DLGAP1: variants seen among roughly 807,000 people sequenced by gnomAD.
DLGAP1 encodes the protein DLG associated protein 1, also known as disks large-associated protein 1.
A neutral mutation model predicts 90.8 loss-of-function variants in DLGAP1; 11 were observed. The ratio of observed to expected loss-of-function variants is 0.12; its 90% CI spans 0.08 to 0.20. The LOEUF is 0.20. Among genes scored for constraint, DLGAP1 ranks in the 10% least tolerant of loss-of-function variants. The pLI is 1.00. For missense variants in DLGAP1, 1,050 were observed against 1,333.8 expected, an observed-to-expected ratio of 0.79 and a Z score of 3.31; for synonymous variants, 558 against 540.7, an observed-to-expected ratio of 1.03 and a Z score of -0.44.
chr18:4,267,051 C>G (rs967992130), intron 1 of DLGAP1, among the ~76,000 whole-genome samples: 1 of 152,134 alleles, frequency 6.6e-6, no homozygotes, highest in East Asian at 1.9e-4. Flanking sequence ...AACTATTTGC[C>G]TTTTCTTTTT....
At chr18:4,020,975 C>T (rs192894261) in intron 2 of DLGAP1, among the ~76,000 whole-genome samples, 19 of 152,188 alleles carry the variant, frequency 1.2e-4, no homozygotes, top group Middle Eastern at 3.4e-3. Flanking sequence ...TCAACCAGCT[C>T]GGCAATCCCA....
At chr18:4,077,018 G>A (rs534299495) in intron 2 of DLGAP1, among the ~76,000 whole-genome samples, 86 of 152,244 alleles carry the variant, frequency 5.6e-4, no homozygotes, top group African/African-American at 2.0e-3. Context: ...ACTAGAGCAG[G>A]GACCTGTTCT....
At chr18:3,754,280 G>A (rs192014492) in intron 5 of DLGAP1, among the ~76,000 whole-genome samples, 21 of 152,144 alleles carry the variant, frequency 1.4e-4, no homozygotes, top group Non-Finnish European at 2.8e-4. Context: ...GAAATTACAC[G>A]CATGAGCCAC....
intron 1 of DLGAP1, among the ~76,000 whole-genome samples, chr18:4,180,517 G>A (rs1455695274): frequency 6.6e-6 from 1 of 152,184 alleles, no homozygotes; most frequent in South Asian, 2.1e-4. Context: ...AACTGGAGCA[G>A]GTGGCACCGA....
chr18:3,741,618 T>C (rs1188275455), intron 6 of DLGAP1, among the ~76,000 whole-genome samples: 3 of 152,010 alleles, frequency 2.0e-5, no homozygotes, highest in African/African-American at 4.8e-5. Flanking sequence ...TCACCATCAC[T>C]GCCATCATTA....
At chr18:3,882,648 C>T (rs1435836687) in intron 3 of DLGAP1, among the ~76,000 whole-genome samples, 1 of 152,126 alleles carries the variant, frequency 6.6e-6, no homozygotes, top group Admixed American at 6.5e-5. Flanking sequence ...GGAAAAGTCA[C>T]TCATTCATAT....
chr18:4,360,232 T>C (rs1567860393), intron 1 of DLGAP1, among the ~76,000 whole-genome samples: 1 of 152,186 alleles, frequency 6.6e-6, no homozygotes, highest in Non-Finnish European at 1.5e-5. Context: ...TTTGTGGCAT[T>C]AGACAGGGTG....
At chr18:3,818,626 G>C (rs2067230161) in intron 4 of DLGAP1, among the ~76,000 whole-genome samples, 1 of 150,640 alleles carries the variant, frequency 6.6e-6, no homozygotes, top group Non-Finnish European at 1.5e-5. Flanking sequence ...TTTTGAGGTG[G>C]TGTCTCGCTC....
At chr18:3,990,657 T>TAATAATAATAATAATAAA (rs1599280993) in intron 3 of DLGAP1, among the ~76,000 whole-genome samples, 2 of 147,906 alleles carry the variant, frequency 1.4e-5, no homozygotes, top group East Asian at 3.9e-4. Flanking sequence ...ATAATAATAA[T>TAATAATAATAATAATAAA]AATAATAAAA....
intron 1 of DLGAP1, among the ~76,000 whole-genome samples, chr18:4,444,826 A>G (rs1447508929): frequency 2.6e-5 from 4 of 152,322 alleles, no homozygotes; most frequent in South Asian, 4.1e-4. Context: ...TACTTCACAT[A>G]AGGTGACTCA....
At chr18:4,233,269 G>A (rs1240752237) in intron 1 of DLGAP1, among the ~76,000 whole-genome samples, 1 of 152,134 alleles carries the variant, frequency 6.6e-6, no homozygotes, top group African/African-American at 2.4e-5. Flanking sequence ...ACAGATTGAA[G>A]TTTGTTATTG....
chr18:4,254,621 G>A (rs2078850189), intron 1 of DLGAP1, among the ~76,000 whole-genome samples: 1 of 152,108 alleles, frequency 6.6e-6, no homozygotes, highest in South Asian at 2.1e-4. Context: ...ATTATCCAGA[G>A]GACAGACATT....
chr18:4,005,884 C>T (rs191963948), intron 2 of DLGAP1, among the ~76,000 whole-genome samples: 351 of 152,308 alleles, frequency 2.3e-3, no homozygotes, highest in Middle Eastern at 0.017. Context: ...GTTTTTGACA[C>T]GGATGCCTAG....
chr18:3,982,898 T>C, intron 3 of DLGAP1, among the ~76,000 whole-genome samples: 1 of 152,226 alleles, frequency 6.6e-6, no homozygotes, highest in Non-Finnish European at 1.5e-5. Flanking sequence ...TTTTGAATTT[T>C]TTTCTTAAGT....
chr18:3,876,767 T>C (rs547650548), intron 4 of DLGAP1, among the ~76,000 whole-genome samples: 3 of 152,190 alleles, frequency 2.0e-5, no homozygotes, highest in Non-Finnish European at 4.4e-5. Flanking sequence ...ATTACAAAAA[T>C]GACTTAAAGA....
intron 1 of DLGAP1, among the ~76,000 whole-genome samples, chr18:4,273,838 T>C (rs1315848334): frequency 1.3e-5 from 2 of 152,248 alleles, no homozygotes; most frequent in African/African-American, 4.8e-5. Context: ...TTTTAATTTT[T>C]GTAAAATCAC....
chr18:4,161,289 C>T (rs2076840511), intron 1 of DLGAP1, among the ~76,000 whole-genome samples: 2 of 151,950 alleles, frequency 1.3e-5, no homozygotes, highest in Non-Finnish European at 2.9e-5. Flanking sequence ...ACCAACCCCA[C>T]GTGTCCATGT....
chr18:3,854,265 CAG>C (rs1471804780), intron 4 of DLGAP1, among the ~76,000 whole-genome samples: 1 of 152,166 alleles, frequency 6.6e-6, no homozygotes. Flanking sequence ...TAGCGAGAAG[CAG>C]AGTCTTTCTT....
chr18:4,075,288 G>C (rs1420274361), intron 2 of DLGAP1, among the ~76,000 whole-genome samples: 2 of 152,174 alleles, frequency 1.3e-5, no homozygotes, highest in Non-Finnish European at 2.9e-5. Flanking sequence ...ACGATAGCTA[G>C]TTCTATTCTT....
Sources: gnomAD v4.1 joint callset for allele counts (sites outside exome capture counted in the v4.1 genomes callset) on GRCh38, gnomAD v4.1.1 for gene constraint, MANE v1.5 for transcripts, NCBI Gene and HGNC (gene_info 2026-07-23, HGNC 2026-07-21) for gene names.